FBXO34: variants seen among roughly 807,000 people sequenced by gnomAD.
The protein encoded by FBXO34 is F-box only protein 34.
In FBXO34, 12 loss-of-function variants were observed where a neutral mutation model predicts 24.5. The ratio of observed to expected loss-of-function variants is 0.49; its 90% CI spans 0.31 to 0.79. The LOEUF (loss-of-function observed/expected upper bound fraction) is 0.79. FBXO34 is among the 30% of genes least tolerant of loss of function. The pLI is 0.04. For missense variants in FBXO34, 823 were observed against 857.7 expected (o/e 0.96, Z 0.51); for synonymous variants, 320 against 311.9 (o/e 1.03, Z -0.27).
the FBXO34 span, among the ~76,000 whole-genome samples, chr14:55,389,030 G>A: frequency 6.6e-6 from 1 of 152,090 alleles, no homozygotes; most frequent in East Asian, 1.9e-4. Flanking sequence ...ATAGATCCTA[G>A]GGTTCTCTCT....
At chr14:55,427,934 A>C in the FBXO34 span, among the ~76,000 whole-genome samples, 55 of 131,776 alleles carry the variant, frequency 4.2e-4, no homozygotes, top group African/African-American at 1.4e-3. Flanking sequence ...GCTGGAGTGC[A>C]GTGGCGCGAT....
intron 1 of FBXO34, among the ~76,000 whole-genome samples, chr14:55,310,636 C>T (rs1882703892): frequency 6.6e-6 from 1 of 152,168 alleles, no homozygotes; most frequent in South Asian, 2.1e-4. Context: ...TGCCTGCCAA[C>T]ATAATAAGCT....
At chr14:55,381,411 G>A in the FBXO34 span, among the ~76,000 whole-genome samples, 8 of 152,052 alleles carry the variant, frequency 5.3e-5, no homozygotes, top group Non-Finnish European at 4.4e-5. Flanking sequence ...GGGTCTAAAC[G>A]GGTTAAATAT....
the FBXO34 span, among the ~76,000 whole-genome samples, chr14:55,415,138 G>A: frequency 6.6e-6 from 1 of 152,110 alleles, no homozygotes; most frequent in Non-Finnish European, 1.5e-5. Flanking sequence ...TCCAAATTAT[G>A]CAGGCACGTT....
At chr14:55,434,771 G>C in the FBXO34 span, among the ~76,000 whole-genome samples, 1 of 152,170 alleles carries the variant, frequency 6.6e-6, no homozygotes, top group Admixed American at 6.5e-5. Flanking sequence ...TCAGATGTCA[G>C]CAACAATACT....
At chr14:55,372,448 A>ACC (rs1425427410), downstream of FBXO34, among the ~76,000 whole-genome samples, 2 of 151,954 alleles carry the variant, frequency 1.3e-5, no homozygotes, top group African/African-American at 4.8e-5. Flanking sequence ...AGTCTAGGGG[A>ACC]CCTCAGAACT....
chr14:55,415,553 G>A, the FBXO34 span, among the ~76,000 whole-genome samples: 2 of 152,130 alleles, frequency 1.3e-5, no homozygotes, highest in East Asian at 3.9e-4. Context: ...TTAAATGCCC[G>A]TCAATGGATG....
the FBXO34 span, among the ~76,000 whole-genome samples, chr14:55,432,205 C>G: frequency 6.8e-6 from 1 of 146,552 alleles, no homozygotes; most frequent in Non-Finnish European, 1.5e-5. Context: ...CCCAGGAGTT[C>G]GAGACCAGCC....
the FBXO34 span, among the ~76,000 whole-genome samples, chr14:55,424,411 G>A: frequency 6.6e-6 from 1 of 152,186 alleles, no homozygotes; most frequent in Non-Finnish European, 1.5e-5. Context: ...AGAGTCTTGA[G>A]TGTCCTAGGT....
chr14:55,291,982 AATC>A (rs145731143), intron 1 of FBXO34, among the ~76,000 whole-genome samples: 2,148 of 152,240 alleles, frequency 0.014, 58 homozygotes, highest in African/African-American at 0.049. Context: ...AAAGAAAAAA[AATC>A]AATTCATGTA....
In FBXO34 at chr14:55,351,309, A is replaced by T. The variant is rs1884360474; in HGVS notation, c.919A>T (p.Ser307Cys). ...REPGSLSRNN[S>C]FRRNVGRVLL... ...GCCTGGGAGCCTCTCAAGGAATAAC[A>T]GCTTCCGTCGAAATGTGGGCAGAGT... Residue 307 changes from serine (S) to cysteine (C), a missense_variant, in exon 2 of 2, where the codon AGC (serine) becomes TGC (cysteine). Transcript: ENST00000313833. The T allele has an allele frequency of 3.1e-6, 5 of 1,614,244 alleles. No individual in the cohort carries two copies. Among genetic ancestry groups the T allele is most frequent in the Middle Eastern group, 1.6e-4 (1 of 6,062 alleles).
chr14:55,413,703 C>T, the FBXO34 span: 1 of 303,442 alleles, frequency 3.3e-6, no homozygotes, highest in Non-Finnish European at 6.5e-6. Context: ...TTTACCTTCA[C>T]GCGTTTCAGG....
rs1206854692 is a variant in FBXO34 at position 55,331,711 on chromosome 14, A to G, written c.-10-18670A>G. Among the ~76,000 whole-genome samples the G allele has an allele frequency of 4.0e-5, 2 of 50,490 alleles. 1 individual carries two copies. The highest frequency in any genetic ancestry group is 3.4e-4 in the African/African-American group (2 of 5,958). 33.1% of individuals were successfully genotyped at this position (50,490 alleles called of 152,430 possible). On this transcript the variant is annotated intron_variant, in intron 1 of 1. Transcript: ENST00000313833. ...TGTATATATATATATATATGTATAT[A>G]TATATGTATATATATATGTATATAT...
the FBXO34 span, chr14:55,428,834 A>G: frequency 6.2e-7 from 1 of 1,614,228 alleles, no homozygotes; most frequent in Non-Finnish European, 8.5e-7. Context: ...GGTTAGCACC[A>G]AACCTTCCAG....
chr14:55,371,396 T>C (rs377537523), downstream of FBXO34, among the ~76,000 whole-genome samples: 11 of 152,276 alleles, frequency 7.2e-5, no homozygotes, highest in East Asian at 2.1e-3. Flanking sequence ...CCAGATGGAT[T>C]AAGCAATAAT....
chr14:55,385,572 C>T, the FBXO34 span, among the ~76,000 whole-genome samples: 136 of 152,322 alleles, frequency 8.9e-4, no homozygotes, highest in Admixed American at 7.1e-3. Flanking sequence ...GGATTATAGG[C>T]GTGAGCCACC....
At chr14:55,419,748 A>G in the FBXO34 span, among the ~76,000 whole-genome samples, 1 of 152,228 alleles carries the variant, frequency 6.6e-6, no homozygotes. Context: ...GCATGATACA[A>G]TGGTTTCAAA....
At chr14:55,359,326 C>T (rs2140101946) in intron 3 of FBXO34, among the ~76,000 whole-genome samples, 1 of 152,254 alleles carries the variant, frequency 6.6e-6, no homozygotes, top group South Asian at 2.1e-4. Flanking sequence ...AAATGCACAC[C>T]TGGGAAGCTG....
chr14:55,425,546 C>G, the FBXO34 span, among the ~76,000 whole-genome samples: 1 of 152,170 alleles, frequency 6.6e-6, no homozygotes, highest in African/African-American at 2.4e-5. Flanking sequence ...TTATTCTCTG[C>G]CTCATTCCAA....
Sources: allele counts gnomAD v4.1 joint callset (sites outside exome capture counted in the v4.1 genomes callset), GRCh38; gene constraint gnomAD v4.1.1; transcripts MANE v1.5; gene names NCBI Gene and HGNC (gene_info 2026-07-23, HGNC 2026-07-21).